ATP6V1C1: variants seen among roughly 807,000 people sequenced by gnomAD.
ATP6V1C1 encodes ATPase H+ transporting V1 subunit C1.
Under a neutral mutation model 53.9 loss-of-function variants are expected in ATP6V1C1, and 45 were observed. That is an observed-to-expected ratio of 0.83 (90% CI 0.66 to 1.07). The LOEUF (loss-of-function observed/expected upper bound fraction) is 1.07, where lower values mean the gene tolerates loss of function less well. ATP6V1C1 is among the 50% of genes least tolerant of loss of function. The pLI, the probability that ATP6V1C1 is intolerant of heterozygous loss-of-function variation, is 0.00. For missense variants in ATP6V1C1, 315 were observed against 440.3 expected (o/e 0.72, Z 2.55); for synonymous variants, 153 against 155.2 (o/e 0.99, Z 0.11).
chr8:103,056,322 G>T (rs964526510), intron 8 of ATP6V1C1, among the ~76,000 whole-genome samples: 7 of 152,040 alleles, frequency 4.6e-5, no homozygotes, highest in African/African-American at 1.7e-4. Flanking sequence ...ATTTTACTTG[G>T]CAAAGGAAGT....
chr8:103,065,911 A>G lies in ATP6V1C1; in HGVS notation c.927-410A>G, dbSNP rs572518164. On this transcript the variant is annotated intron_variant, in intron 11 of 12. Coordinates refer to ENST00000518738, the MANE Select transcript of ATP6V1C1 (RefSeq NM_001695.5). ...AGAAAAATCAGCTGGGCATGGTGGT[A>G]TGTGCCTGTAATCCCAGCTACTCAG... Among the ~76,000 whole-genome samples, 64 of 151,918 alleles carry G rather than the reference A, an allele frequency of 4.2e-4. No homozygotes were observed. In the South Asian group the frequency reaches 0.013, roughly 31 times the overall value.
Position 103,027,744 on chromosome 8 carries a change from T to C in ATP6V1C1, c.-40+6519T>C, listed in dbSNP as rs538595156. Among the ~76,000 whole-genome samples, 7 of 150,904 alleles carry C rather than the reference T, an allele frequency of 4.6e-5. No individual in the cohort carries two copies. In the East Asian group the frequency reaches 1.4e-3, roughly 29 times the overall value. On this transcript the variant is annotated intron_variant, in intron 1 of 12. Coordinates refer to ENST00000518738, the MANE Select transcript of ATP6V1C1 (RefSeq NM_001695.5). ...GCACACTTATTGCAGTCAGACAAAATAGAAGTGCCTACAGAATTGACTAGT... is the reference window on the plus strand; with the variant it reads ...GCACACTTATTGCAGTCAGACAAAACAGAAGTGCCTACAGAATTGACTAGT...
At chr8:103,064,287 A>G (rs548877994) in intron 10 of ATP6V1C1, among the ~76,000 whole-genome samples, 1 of 152,206 alleles carries the variant, frequency 6.6e-6, no homozygotes, top group Non-Finnish European at 1.5e-5. Flanking sequence ...TGACTTGCCT[A>G]CATAACTGTT....
chr8:103,067,592 CTTTTTCTTTTTT>C (rs1164341031), intron 12 of ATP6V1C1, among the ~76,000 whole-genome samples: 1 of 130,108 alleles, frequency 7.7e-6, no homozygotes, highest in Non-Finnish European at 1.7e-5. Context: ...CACTTTTTTT[CTTTTTCTTTTTT>C]TTTTTTTTTT....
intron 7 of ATP6V1C1, among the ~76,000 whole-genome samples, chr8:103,055,103 T>C (rs943241869): frequency 6.6e-6 from 1 of 152,154 alleles, no homozygotes; most frequent in African/African-American, 2.4e-5. Context: ...ACACTGATTA[T>C]TTATAACAAA....
chr8:103,024,927 G>T (rs1816668033), intron 1 of ATP6V1C1, among the ~76,000 whole-genome samples: 1 of 152,176 alleles, frequency 6.6e-6, no homozygotes, highest in Admixed American at 6.5e-5. Context: ...TGGAGGAGAG[G>T]TGCTTTGGTT....
At chr8:103,068,432 C>G (rs767119692) in intron 12 of ATP6V1C1, among the ~76,000 whole-genome samples, 6 of 152,184 alleles carry the variant, frequency 3.9e-5, no homozygotes, top group African/African-American at 1.4e-4. Flanking sequence ...TTGAACCTGG[C>G]TTTACCACTC....
At position 103,047,430 on chromosome 8, in the gene ATP6V1C1, GCACACACACACA is replaced by G. The variant is rs546475923; in HGVS notation, c.201-1417_201-1406del. On this transcript the variant is annotated intron_variant, in intron 3 of 12. Coordinates refer to ENST00000518738, the MANE Select transcript of ATP6V1C1 (RefSeq NM_001695.5). ...TTAAAAAAAAAAAAAAAATGCGCGC[GCACACACACACA>G]CACACACACACACACACACACATTT... 1.9e-4 allele frequency among the ~76,000 whole-genome samples: 20 copies of G among 104,950 alleles called. No homozygotes were observed. In the South Asian group the frequency reaches 4.7e-3, roughly 25 times the overall value. The allele number at this position is 104,950 out of a possible 152,430, so 68.9% of individuals were successfully genotyped here.
At chr8:103,028,769 C>T (rs1286644463) in intron 1 of ATP6V1C1, among the ~76,000 whole-genome samples, 1 of 152,186 alleles carries the variant, frequency 6.6e-6, no homozygotes, top group Non-Finnish European at 1.5e-5. Context: ...CTGAAATTGA[C>T]ATTTGGGTTT....
chr8:103,027,542 G>T (rs1024826651), intron 1 of ATP6V1C1, among the ~76,000 whole-genome samples: 6 of 151,880 alleles, frequency 4.0e-5, no homozygotes, highest in Non-Finnish European at 7.4e-5. Flanking sequence ...GTCTTTATAT[G>T]CAAATCAATT....
chr8:103,042,850 A>T (rs538924403), intron 3 of ATP6V1C1, among the ~76,000 whole-genome samples: 1 of 152,198 alleles, frequency 6.6e-6, no homozygotes, highest in Non-Finnish European at 1.5e-5. Context: ...GGAATACAAT[A>T]CGTGGTCTTT....
chr8:103,035,730 A>G (rs1309789596), intron 1 of ATP6V1C1, among the ~76,000 whole-genome samples: 1 of 152,166 alleles, frequency 6.6e-6, no homozygotes, highest in Non-Finnish European at 1.5e-5. Flanking sequence ...TTTACAGATG[A>G]GGAAACTAGT....
chr8:103,051,026 A>G lies in ATP6V1C1; in HGVS notation c.287-24A>G. The G allele has an allele frequency of 2.7e-6, 4 of 1,467,122 alleles. No individual in the cohort carries two copies. In the South Asian group the frequency reaches 4.6e-5, roughly 17 times the overall value. The allele number at this position is 1,467,122 out of a possible 1,614,324, so 90.9% of individuals were successfully genotyped here. On this transcript the variant is annotated intron_variant, in intron 4 of 12. Transcript: ENST00000518738. ...AACAATTCTATTGTTTTTCTTCAGT[A>G]ATTAATTTATTCCCTTATTTCAGTG... is the stretch of plus-strand genomic sequence containing the variant.
intron 8 of ATP6V1C1, among the ~76,000 whole-genome samples, chr8:103,058,494 A>C (rs1817330438): frequency 6.6e-6 from 1 of 152,154 alleles, no homozygotes; most frequent in Non-Finnish European, 1.5e-5. Context: ...GATCTCTATG[A>C]CCTGATGCTG....
At chr8:103,027,515 A>G (rs1816719828) in intron 1 of ATP6V1C1, among the ~76,000 whole-genome samples, 1 of 152,144 alleles carries the variant, frequency 6.6e-6, no homozygotes, top group Non-Finnish European at 1.5e-5. Flanking sequence ...TTATGTTGTA[A>G]TAGTTATTGT....
At chr8:103,068,218 T>C (rs533345775) in intron 12 of ATP6V1C1, among the ~76,000 whole-genome samples, 1 of 152,360 alleles carries the variant, frequency 6.6e-6, no homozygotes, top group African/African-American at 2.4e-5. Context: ...ACTCCTGGGC[T>C]CAAGGCCTTG....
At chr8:103,059,677 C>G (rs936701469) in intron 8 of ATP6V1C1, among the ~76,000 whole-genome samples, 2 of 152,056 alleles carry the variant, frequency 1.3e-5, no homozygotes, top group Non-Finnish European at 2.9e-5. Context: ...CCCACTCCCC[C>G]AAGACCCACT....
At chr8:103,029,074 T>C (rs1443218981) in intron 1 of ATP6V1C1, among the ~76,000 whole-genome samples, 2 of 151,972 alleles carry the variant, frequency 1.3e-5, no homozygotes. Context: ...TCATAATCAC[T>C]CCCAAGAGAT....
chr8:103,029,425 G>A (rs556857252), intron 1 of ATP6V1C1, among the ~76,000 whole-genome samples: 2 of 151,740 alleles, frequency 1.3e-5, no homozygotes, highest in East Asian at 3.9e-4. Flanking sequence ...GCGTGCCACC[G>A]TGTCTTGCTA....
Sources: gnomAD v4.1 joint callset for allele counts (sites outside exome capture counted in the v4.1 genomes callset) on GRCh38, gnomAD v4.1.1 for gene constraint, MANE v1.5 for transcripts, NCBI Gene and HGNC (gene_info 2026-07-23, HGNC 2026-07-21) for gene names.